The following TMEM72 variants were observed in gnomAD, a reference collection of about 807,000 sequenced individuals.
TMEM72 encodes transmembrane protein 72.
TMEM72 carries 9 observed loss-of-function variants against 16.3 expected under a neutral mutation model. The observed-to-expected ratio is 0.55, with a 90% CI of 0.33 to 0.96. The LOEUF (loss-of-function observed/expected upper bound fraction) is 0.96, where lower values mean the gene tolerates loss of function less well. TMEM72 is among the 40% of genes least tolerant of loss of function. The pLI, the probability that TMEM72 is intolerant of heterozygous loss-of-function variation, is 0.03. For synonymous variants in TMEM72, 160 were observed against 146.5 expected (o/e 1.09, Z -0.66); for missense variants, 324 against 337.8 (o/e 0.96, Z 0.32).
intron 2 of TMEM72, among the ~76,000 whole-genome samples, chr10:44,930,870 C>A (rs1267669448): frequency 6.6e-6 from 1 of 152,220 alleles, no homozygotes; most frequent in African/African-American, 2.4e-5. Flanking sequence ...AGAGAAAGGT[C>A]ACACCTCTCA....
At position 44,913,058 on chromosome 10, in the gene TMEM72, C is replaced by T. The variant is rs79221846; in HGVS notation, c.70+1476C>T. ...CAGGAAGAGGTTCAGAATTGCTCTG[C>T]TGAGGCTCTGAGTGGAGGCACTGAG... On this transcript the variant is annotated intron_variant, in intron 1 of 4. Coordinates refer to ENST00000389583, the MANE Select transcript of TMEM72 (RefSeq NM_001123376.3). Among the ~76,000 whole-genome samples the T allele has an allele frequency of 2.2e-3, 337 of 152,308 alleles. 1 individual carries two copies. Among genetic ancestry groups the T allele is most frequent in the African/African-American group, 7.6e-3 (318 of 41,570 alleles).
At chr10:44,926,918 G>A (rs571567734) in intron 1 of TMEM72, among the ~76,000 whole-genome samples, 32 of 152,202 alleles carry the variant, frequency 2.1e-4, no homozygotes, top group Admixed American at 1.2e-3. Flanking sequence ...GACACCAGGC[G>A]ATGGAAGCCC....
At chr10:44,926,408 G>A (rs1416935798) in intron 1 of TMEM72, among the ~76,000 whole-genome samples, 7 of 152,210 alleles carry the variant, frequency 4.6e-5, no homozygotes, top group Non-Finnish European at 8.8e-5. Context: ...CTGTAAAATG[G>A]AGAGAGTGGG....
chr10:44,928,737 T>C (rs1840242373), intron 2 of TMEM72, among the ~76,000 whole-genome samples: 1 of 151,798 alleles, frequency 6.6e-6, no homozygotes, highest in Admixed American at 6.6e-5. Flanking sequence ...CATCCATCCA[T>C]ACACCCACCC....
At chr10:44,927,683 G>T (rs1355774758) in intron 1 of TMEM72, among the ~76,000 whole-genome samples, 4 of 152,252 alleles carry the variant, frequency 2.6e-5, no homozygotes, top group African/African-American at 9.6e-5. Flanking sequence ...TGGCTGCTCT[G>T]GGGAAGCTTA....
At chr10:44,929,138 C>T (rs1001721946) in intron 2 of TMEM72, among the ~76,000 whole-genome samples, 2 of 152,164 alleles carry the variant, frequency 1.3e-5, no homozygotes, top group Middle Eastern at 3.4e-3. Flanking sequence ...CAGATTCAAA[C>T]CCAAGACCCT....
intron 1 of TMEM72, among the ~76,000 whole-genome samples, chr10:44,925,603 A>G (rs1478338775): frequency 6.6e-6 from 1 of 152,242 alleles, no homozygotes; most frequent in Non-Finnish European, 1.5e-5. Context: ...GCAGGAGATA[A>G]TGAGGAAACT....
intron 1 of TMEM72, among the ~76,000 whole-genome samples, chr10:44,920,589 G>A (rs989195783): frequency 6.6e-6 from 1 of 152,162 alleles, no homozygotes; most frequent in African/African-American, 2.4e-5. Flanking sequence ...GGTGCACAGG[G>A]AACAGCTTTT....
In TMEM72 at chr10:44,921,135, C is replaced by T. The variant is rs544803879; in HGVS notation, c.71-6786C>T. On this transcript the variant is annotated intron_variant, in intron 1 of 4. Coordinates refer to ENST00000389583, the MANE Select transcript of TMEM72 (RefSeq NM_001123376.3). ...TTGGATCTGGCCCACACAGGAGGGA[C>T]AGAGACTGGAGGGAAGGAGCTAACA... is the stretch of plus-strand genomic sequence containing the variant. Among the ~76,000 whole-genome samples the T allele has an allele frequency of 6.6e-5, 10 of 152,292 alleles. No homozygotes were observed. The South Asian group carries it at 2.1e-3, about 32-fold the overall frequency.
intron 2 of TMEM72, among the ~76,000 whole-genome samples, chr10:44,929,778 GC>G (rs1430746721): frequency 3.9e-5 from 6 of 152,328 alleles, no homozygotes. Flanking sequence ...GCATGGCCTC[GC>G]CTCCAAGCTT....
At chr10:44,924,113 C>G (rs1267163073) in intron 1 of TMEM72, among the ~76,000 whole-genome samples, 2 of 152,232 alleles carry the variant, frequency 1.3e-5, no homozygotes, top group African/African-American at 4.8e-5. Context: ...CGAGTCCCTT[C>G]TGCTCACGCT....
intron 1 of TMEM72, among the ~76,000 whole-genome samples, chr10:44,924,628 G>A (rs1332622): frequency 0.51 from 77,331 of 152,060 alleles, 20,798 homozygotes; most frequent in Non-Finnish European, 0.61. Context: ...GTGCGAGTCC[G>A]TGTTGTTTCA....
At chr10:44,925,359 T>C (rs555783247) in intron 1 of TMEM72, among the ~76,000 whole-genome samples, 6 of 152,366 alleles carry the variant, frequency 3.9e-5, no homozygotes, top group African/African-American at 1.4e-4. Flanking sequence ...GACCCTTTCC[T>C]GCCATCTGCT....
intron 1 of TMEM72, among the ~76,000 whole-genome samples, chr10:44,921,326 G>T (rs1840095458): frequency 6.6e-6 from 1 of 152,170 alleles, no homozygotes; most frequent in African/African-American, 2.4e-5. Context: ...GGAGCCTGAG[G>T]TGGGATAATA....
At chr10:44,924,700 G>A (rs936209124) in intron 1 of TMEM72, among the ~76,000 whole-genome samples, 17 of 152,260 alleles carry the variant, frequency 1.1e-4, no homozygotes, top group Non-Finnish European at 7.3e-5. Context: ...AGCAGAAAGC[G>A]GTGACCCGTT....
chr10:44,924,049 GTC>G (rs1288208595), intron 1 of TMEM72, among the ~76,000 whole-genome samples: 1 of 152,186 alleles, frequency 6.6e-6, no homozygotes, highest in East Asian at 1.9e-4. Context: ...TATCACTGAA[GTC>G]TCTCACCATC....
Position 44,936,446 on chromosome 10 carries a change from A to G in TMEM72, c.*1312A>G, listed in dbSNP as rs1317062885. ...CAGGATATTTTACAAAGGTATGAAA[A>G]TAATGGCCAACCAGAAGCTAGTATC... On this transcript the variant is annotated 3_prime_UTR_variant, in exon 5 of 5. Coordinates refer to ENST00000389583, the MANE Select transcript of TMEM72 (RefSeq NM_001123376.3). 1 of 152,276 alleles carries G rather than the reference A, an allele frequency of 6.6e-6. No individual in the cohort carries two copies. The highest frequency in any genetic ancestry group is 1.5e-5 in the Non-Finnish European group (1 of 68,052). 9.4% of individuals were successfully genotyped at this position (152,276 alleles called of 1,614,324 possible). A position where few individuals can be genotyped will look rare whatever the true frequency, so the allele number is the denominator to read the frequency against.
Position 44,927,902 on chromosome 10 carries a change from T to G in TMEM72, c.71-19T>G, listed in dbSNP as rs144636835. 60 of 1,613,496 alleles carry G rather than the reference T, an allele frequency of 3.7e-5. No individual in the cohort carries two copies. The East Asian group carries it at 1.3e-3, about 34-fold the overall frequency. ...TGTAGAGCACCAGGCCCACTCTTCC[T>G]TCTTCTCTTGCCCCTTAGTGTTGAT... is the stretch of plus-strand genomic sequence containing the variant. On this transcript the variant is annotated intron_variant, in intron 1 of 4. Coordinates refer to ENST00000389583, the MANE Select transcript of TMEM72 (RefSeq NM_001123376.3).
At chr10:44,925,033 AG>A (rs1342392369) in intron 1 of TMEM72, among the ~76,000 whole-genome samples, 1 of 152,200 alleles carries the variant, frequency 6.6e-6, no homozygotes, top group Non-Finnish European at 1.5e-5. Flanking sequence ...CTCCAATCCA[AG>A]CAATTTTCTC....
Sources: allele counts gnomAD v4.1 joint callset (sites outside exome capture counted in the v4.1 genomes callset), GRCh38; gene constraint gnomAD v4.1.1; transcripts MANE v1.5; gene names NCBI Gene and HGNC (gene_info 2026-07-23, HGNC 2026-07-21).